Variants in MAP3K7 observed in about 807,000 individuals in gnomAD.
The protein encoded by MAP3K7 is mitogen-activated protein kinase kinase kinase 7.
MAP3K7 carries 21 observed loss-of-function variants against 84.8 expected under a neutral mutation model. That is an observed-to-expected ratio of 0.25 (90% CI 0.18 to 0.36). MAP3K7 has a LOEUF of 0.36. Ranked by LOEUF, MAP3K7 falls within the 10% of genes least tolerant of loss-of-function variation. The probability of loss-of-function intolerance (pLI) is 1.00; values close to 1 mark genes in which losing one functional copy is unlikely to be tolerated. For missense variants in MAP3K7, 503 were observed against 747.7 expected (o/e 0.67, Z 3.82); for synonymous variants, 241 against 247.7 (o/e 0.97, Z 0.25).
intron 1 of MAP3K7, among the ~76,000 whole-genome samples, chr6:90,576,419 TCACACACACACACACACACACACACACA>T (rs11468988): frequency 1.5e-5 from 2 of 136,876 alleles, no homozygotes; most frequent in Non-Finnish European, 3.1e-5. Context: ...CTAGACTCTG[TCACACACACACACACACACACACACACA>T]CACACACACA....
At chr6:90,542,475 C>T (rs1021762183) in intron 12 of MAP3K7, 29 of 985,040 alleles carry the variant, frequency 2.9e-5, no homozygotes, top group Non-Finnish European at 3.3e-5. Flanking sequence ...TCCATAAAGG[C>T]CCAATGTCAT....
intron 1 of MAP3K7, among the ~76,000 whole-genome samples, chr6:90,574,987 A>G (rs1456394390): frequency 6.6e-6 from 1 of 152,172 alleles, no homozygotes; most frequent in Non-Finnish European, 1.5e-5. Context: ...ATCTAAAGTT[A>G]TAATAAAGAA....
At chr6:90,555,177 T>C (rs1776295736) in intron 6 of MAP3K7, among the ~76,000 whole-genome samples, 1 of 152,214 alleles carries the variant, frequency 6.6e-6, no homozygotes, top group East Asian at 1.9e-4. Flanking sequence ...CAGTGACATA[T>C]GGAGGTATAA....
intron 10 of MAP3K7, 67 bp from the exon 11 acceptor site, chr6:90,547,454 AAAG>A: frequency 6.4e-7 from 1 of 1,557,094 alleles, no homozygotes; most frequent in Non-Finnish European, 8.7e-7. Context: ...AGGCAACCTA[AAAG>A]GAGGAAGATG....
chr6:90,561,803 T>C, intron 3 of MAP3K7, 136 bp from the exon 4 acceptor site: 1 of 657,584 alleles, frequency 1.5e-6, no homozygotes. Flanking sequence ...ATGTGAATAG[T>C]ACTAGGGAAG....
intron 1 of MAP3K7, among the ~76,000 whole-genome samples, chr6:90,576,378 G>A (rs1274078647): frequency 2.6e-5 from 4 of 151,270 alleles, no homozygotes; most frequent in Admixed American, 6.6e-5. Flanking sequence ...AGCCGAGATC[G>A]CGCCACTGAA....
chr6:90,538,578 C>T (rs1361289972), intron 12 of MAP3K7, among the ~76,000 whole-genome samples: 1 of 151,840 alleles, frequency 6.6e-6, no homozygotes, highest in African/African-American at 2.4e-5. Context: ...TAATAGAGAA[C>T]AAATTCCACT....
rs1776468343 is a variant in MAP3K7 at position 90,560,327 on chromosome 6, T to C, written c.344-113A>G. The C allele has an allele frequency of 2.9e-6, 3 of 1,038,924 alleles. No homozygotes were observed. In the South Asian group the frequency reaches 4.7e-5, roughly 16 times the overall value. 64.4% of individuals were successfully genotyped at this position (1,038,924 alleles called of 1,614,324 possible). A position where few individuals can be genotyped will look rare whatever the true frequency, so the allele number is the denominator to read the frequency against. On this transcript the variant is annotated intron_variant, in intron 4 of 16. Transcript: ENST00000369329. ...CTGGGTATTTTTCTACATATACATATGCTCCATCAGTCCTGCTTTTAATTT... is the reference window on the plus strand; with the variant it reads ...CTGGGTATTTTTCTACATATACATACGCTCCATCAGTCCTGCTTTTAATTT...
At position 90,574,363 on chromosome 6, in the gene MAP3K7, C is replaced by T. The variant is rs148301891; in HGVS notation, c.121-2556G>A. ...AACTCAAGTAATCGCCCTGCCTCAG[C>T]CTCCCAAAGTGCTGGGATTACAGGT... On this transcript the variant is annotated intron_variant, in intron 1 of 16. Coordinates refer to ENST00000369329, the MANE Select transcript of MAP3K7 (RefSeq NM_145331.3). Among the ~76,000 whole-genome samples, 178 of 152,184 alleles carry T rather than the reference C, an allele frequency of 1.2e-3. 1 individual carries two copies. Among genetic ancestry groups the T allele is most frequent in the African/African-American group, 3.9e-3 (161 of 41,538 alleles).
At chr6:90,578,274 G>GT (rs1223342966) in intron 1 of MAP3K7, among the ~76,000 whole-genome samples, 2 of 152,006 alleles carry the variant, frequency 1.3e-5, no homozygotes, top group African/African-American at 4.8e-5. Context: ...GTTTTGTTTT[G>GT]TTTTGTTTGT....
chr6:90,530,232 A>G (rs984091696), intron 13 of MAP3K7, among the ~76,000 whole-genome samples: 3 of 152,206 alleles, frequency 2.0e-5, no homozygotes, highest in Non-Finnish European at 4.4e-5. Context: ...AAAAAGAGAA[A>G]CACATGTTTG....
chr6:90,545,795 C>T (rs1423434357), intron 11 of MAP3K7, among the ~76,000 whole-genome samples: 1 of 152,096 alleles, frequency 6.6e-6, no homozygotes, highest in African/African-American at 2.4e-5. Context: ...TAAAAGAGGG[C>T]AGATCTCCTC....
rs113552638 is a variant in MAP3K7, at chr6:90,534,914, A to C, written c.1356+1423T>G. 2.2e-3 allele frequency among the ~76,000 whole-genome samples: 331 copies of C among 152,278 alleles called. 2 individuals are homozygous for C. The highest frequency in any genetic ancestry group is 6.6e-3 in the African/African-American group (274 of 41,578). On this transcript the variant is annotated intron_variant, in intron 13 of 16. Transcript: ENST00000369329. The stretch of plus-strand genomic sequence containing the variant: ...GAATCAAAGCAAATAGCAGATGTCA[A>C]ACTATCTGTTACTAAATGGGCTGAT...
intron 9 of MAP3K7, among the ~76,000 whole-genome samples, chr6:90,549,016 T>G (rs1240492870): frequency 6.6e-6 from 1 of 151,894 alleles, no homozygotes; most frequent in Non-Finnish European, 1.5e-5. Context: ...GAGAAGCTAG[T>G]GAATGCAAAT....
chr6:90,568,675 A>T, intron 2 of MAP3K7, 52 bp from the exon 3 acceptor site: 1 of 1,261,544 alleles, frequency 7.9e-7, no homozygotes, highest in Non-Finnish European at 1.1e-6. Context: ...TGAAGTACTG[A>T]TTTCACAGTA....
intron 5 of MAP3K7, among the ~76,000 whole-genome samples, chr6:90,559,461 A>G (rs1439880174): frequency 6.6e-6 from 1 of 152,184 alleles, no homozygotes; most frequent in African/African-American, 2.4e-5. Flanking sequence ...AAGAGAGAAA[A>G]GGAAACAATA....
chr6:90,525,341 A>C (rs1348323591), intron 13 of MAP3K7, among the ~76,000 whole-genome samples: 1 of 152,178 alleles, frequency 6.6e-6, no homozygotes, highest in Non-Finnish European at 1.5e-5. Flanking sequence ...AACAATTCAA[A>C]ATTTATTTTT....
At chr6:90,534,567 C>T (rs1775605218) in intron 13 of MAP3K7, among the ~76,000 whole-genome samples, 1 of 152,160 alleles carries the variant, frequency 6.6e-6, no homozygotes, top group African/African-American at 2.4e-5. Context: ...AAATGACTGT[C>T]CCACACCCAT....
In MAP3K7 at chr6:90,548,149, A is replaced by C; in HGVS notation, c.978T>G (p.Asn326Lys). The C allele has an allele frequency of 6.2e-7, 1 of 1,611,970 alleles. No individual in the cohort carries two copies. Among genetic ancestry groups the C allele is most frequent in the South Asian group, 1.1e-5 (1 of 90,812 alleles). Residue 326 changes from asparagine (N) to lysine (K), a missense_variant, in exon 10 of 17, where the codon AAT becomes AAG. Coordinates refer to ENST00000369329, the MANE Select transcript of MAP3K7 (RefSeq NM_145331.3). ...TGSFMDIAST[N>K]TSNKSDTNME... ...TATTAGTGTCACTTTTGTTACTCGTATTTGTAGAAGCAATGTCCATGAATG... is the reference window on the plus strand; with the variant it reads ...TATTAGTGTCACTTTTGTTACTCGTCTTTGTAGAAGCAATGTCCATGAATG...
Sources: gnomAD v4.1 joint callset for allele counts (sites outside exome capture counted in the v4.1 genomes callset) on GRCh38, gnomAD v4.1.1 for gene constraint, MANE v1.5 for transcripts, NCBI Gene and HGNC (gene_info 2026-07-23, HGNC 2026-07-21) for gene names.